The following CEP95 variants were observed in gnomAD, a reference collection of about 807,000 sequenced individuals.
The protein encoded by CEP95 is centrosomal protein of 95 kDa.
CEP95 carries 98 observed loss-of-function variants against 111.2 expected under a neutral mutation model. The ratio of observed to expected loss-of-function variants is 0.88; its 90% CI spans 0.75 to 1.04. The LOEUF (loss-of-function observed/expected upper bound fraction) is 1.04, where lower values mean the gene tolerates loss of function less well. CEP95 is among the 50% of genes least tolerant of loss of function. The pLI is 0.00. For missense variants in CEP95, 1,027 were observed against 977.2 expected, an observed-to-expected ratio of 1.05 and a Z score of -0.68; for synonymous variants, 323 against 327.1, an observed-to-expected ratio of 0.99 and a Z score of 0.14.
chr17:64,525,838 T>C lies in CEP95; in HGVS notation c.978T>C (p.Ala326=). ...PKGSKWEVYP[A]QVQGPRTRKP... ...GCAGCAAATGGGAAGTATATCCAGCTCAGGTCCAAGGGCCTAGGACAAGGA... is the reference window on the plus strand; with the variant it reads ...GCAGCAAATGGGAAGTATATCCAGCCCAGGTCCAAGGGCCTAGGACAAGGA... Residue 326 remains alanine, a synonymous_variant, in exon 9 of 20, where the codon GCT becomes GCC. Coordinates refer to ENST00000556440, the MANE Select transcript of CEP95 (RefSeq NM_138363.3). 1 of 1,600,198 alleles carries C rather than the reference T, an allele frequency of 6.2e-7. No homozygotes were observed. The highest frequency in any genetic ancestry group is 8.5e-7 in the Non-Finnish European group (1 of 1,176,156).
chr17:64,527,293 G>C (rs191506830), intron 11 of CEP95, 29 bp downstream of exon 11: 223 of 1,557,360 alleles, frequency 1.4e-4, no homozygotes, highest in Non-Finnish European at 1.9e-4. Context: ...CTGAGAAGGG[G>C]GACATCCATG....
chr17:64,520,182 A>G (rs1967205208), intron 6 of CEP95, among the ~76,000 whole-genome samples: 2 of 152,200 alleles, frequency 1.3e-5, no homozygotes, highest in African/African-American at 2.4e-5. Context: ...GATTGCAGAA[A>G]CGGGTTCTGT....
At chr17:64,522,661 T>C in intron 7 of CEP95, 41 bp from the exon 8 acceptor site, 2 of 1,459,346 alleles carry the variant, frequency 1.4e-6, no homozygotes, top group Admixed American at 1.9e-5. Flanking sequence ...GTTTATTTCT[T>C]AGAATTGCAT....
chr17:64,516,968 C>T, intron 5 of CEP95, 140 bp downstream of exon 5: 1 of 558,380 alleles, frequency 1.8e-6, no homozygotes. Context: ...TTTAAACTTT[C>T]CTGAGGGAGT....
intron 5 of CEP95, among the ~76,000 whole-genome samples, chr17:64,517,122 C>T (rs1966921584): frequency 6.6e-6 from 1 of 152,164 alleles, no homozygotes; most frequent in African/African-American, 2.4e-5. Flanking sequence ...TCTCGACTCA[C>T]TGCAAACTCT....
In CEP95 at chr17:64,529,347, A is replaced by C; in HGVS notation, c.1366A>C (p.Asn456His). 1 of 1,613,810 alleles carries C rather than the reference A, an allele frequency of 6.2e-7. No individual in the cohort carries two copies. Among genetic ancestry groups the C allele is most frequent in the Non-Finnish European group, 8.5e-7 (1 of 1,179,782 alleles). ...RSHSLSPSPV[N>H]KHKQFHLERK... ...CCATTCGCTCTCTCCATCTCCAGTT[A>C]ACAAACACAAACAGTTCCACTTGGA... The change falls in exon 12 of 20, where the codon AAC becomes CAC. Residue 456 changes from asparagine (N) to histidine (H), a missense_variant. By Grantham distance (68) the Asn-to-His change is moderately conservative. Coordinates refer to ENST00000556440, the MANE Select transcript of CEP95 (RefSeq NM_138363.3).
chr17:64,510,404 C>T (rs1021657429), intron 3 of CEP95, 124 bp downstream of exon 3: 1 of 649,874 alleles, frequency 1.5e-6, no homozygotes, highest in East Asian at 2.8e-5. Context: ...TAAGATTGAG[C>T]TAAGACAATC....
At chr17:64,535,374 A>C (rs1382873830) in intron 17 of CEP95, 2 of 155,694 alleles carry the variant, frequency 1.3e-5, no homozygotes, top group Non-Finnish European at 2.8e-5. Flanking sequence ...GCGCATATCC[A>C]AGCCCTTTGA....
chr17:64,507,911 G>T, intron 1 of CEP95: 1 of 985,382 alleles, frequency 1.0e-6, no homozygotes, highest in Non-Finnish European at 1.2e-6. Flanking sequence ...GTTAAACTTT[G>T]CAAATCCCAG....
chr17:64,529,319 A>C lies in CEP95; in HGVS notation c.1338A>C (p.Arg446Ser). ...GLSMRRKPPY[R>S]SHSLSPSPVN... ...CCATGCGTAGAAAGCCACCCTACAGATCCCATTCGCTCTCTCCATCTCCAG... is the reference window on the plus strand; with the variant it reads ...CCATGCGTAGAAAGCCACCCTACAGCTCCCATTCGCTCTCTCCATCTCCAG... The change falls in exon 12 of 20, where the codon AGA becomes AGC. Residue 446 changes from arginine to serine, a missense_variant. Arg to Ser is a moderately radical substitution (Grantham distance 110). Transcript: ENST00000556440. The C allele has an allele frequency of 5.0e-6, 8 of 1,613,780 alleles. No individual in the cohort carries two copies. Among genetic ancestry groups the C allele is most frequent in the Non-Finnish European group, 6.8e-6 (8 of 1,179,802 alleles).
rs201814510 is a variant in CEP95 at position 64,526,137 on chromosome 17, A to C, written c.1089A>C (p.Leu363Phe). The C allele has an allele frequency of 6.8e-6, 11 of 1,613,796 alleles. 1 individual carries two copies. The South Asian group carries it at 1.2e-4, about 18-fold the overall frequency. ...TCCCCCAGAGGCCAAGAAAGAGATTAACAGAACAAGAATTACATGATGTAT... is the reference window on the plus strand; with the variant it reads ...TCCCCCAGAGGCCAAGAAAGAGATTCACAGAACAAGAATTACATGATGTAT... ...SPFPQRPRKR[L>F]TEQELHDVSE... Residue 363 changes from leucine (L) to phenylalanine (F), a missense_variant, in exon 10 of 20, where the codon TTA becomes TTC. Physicochemically the swap from Leu to Phe is conservative, Grantham distance 22. Transcript: ENST00000556440.
chr17:64,508,093 A>T, intron 1 of CEP95: 4 of 985,450 alleles, frequency 4.1e-6, no homozygotes, highest in Non-Finnish European at 4.8e-6. Flanking sequence ...TTAACAGCCT[A>T]AGTTTAATCA....
At position 64,533,146 on chromosome 17, in the gene CEP95, C is replaced by G. The variant is rs1968403473; in HGVS notation, c.1872C>G (p.Leu624=). 6.3e-7 allele frequency: 1 copy of G among 1,594,848 alleles called. No individual in the cohort carries two copies. Among genetic ancestry groups the G allele is most frequent in the African/African-American group, 1.4e-5 (1 of 73,344 alleles). Residue 624 remains leucine (L), a synonymous_variant, in exon 16 of 20, where the codon CTC becomes CTG. Coordinates refer to ENST00000556440, the MANE Select transcript of CEP95 (RefSeq NM_138363.3). ...EIEEALRRHD[L]LTTLVKKEYE... is the part of the protein sequence containing the mutation. ...AAGAAGCCCTAAGAAGGCATGACCT[C>G]CTTACTACCCTTGTCAAGAAAGAAT...
At position 64,537,681 on chromosome 17, in the gene CEP95, A is replaced by AATGATG; in HGVS notation, c.2375_2380dup (p.Asp792_Asp793dup). On this transcript the variant is annotated inframe_insertion, in exon 20 of 20. Transcript: ENST00000556440. ...GCAGCTGCAGGACATGATAACACAGAATGATGATGATGTTTTCTTCCGGGA... is the reference window on the plus strand; with the variant it reads ...GCAGCTGCAGGACATGATAACACAGAATGATGATGATGATGATGTTTTCTTCCGGGA... 1.9e-6 allele frequency: 3 copies of AATGATG among 1,613,506 alleles called. No homozygotes were observed. In the African/African-American group the frequency reaches 4.0e-5, roughly 22 times the overall value.
intron 11 of CEP95, among the ~76,000 whole-genome samples, chr17:64,527,558 T>TA (rs1967914649): frequency 6.6e-6 from 1 of 152,200 alleles, no homozygotes; most frequent in African/African-American, 2.4e-5. Context: ...TTGGCATCTT[T>TA]TCTTCTGATC....
chr17:64,513,805 C>T (rs2039008041), intron 3 of CEP95, among the ~76,000 whole-genome samples: 1 of 152,070 alleles, frequency 6.6e-6, no homozygotes, highest in African/African-American at 2.4e-5. Flanking sequence ...CTGCTATAAT[C>T]TTCTGAACAA....
In CEP95 at chr17:64,537,007, A is replaced by G. The variant is rs782243891; in HGVS notation, c.2218-34A>G. 7 of 1,558,518 alleles carry G rather than the reference A, an allele frequency of 4.5e-6. No individual in the cohort carries two copies. The African/African-American group carries it at 8.3e-5, about 18-fold the overall frequency. Reference sequence around the variant, plus strand: ...GTTACATTTGGACTACAAACATTAAATATAATATTTGTTTTTTTTCTTCCT... The same window carrying G: ...GTTACATTTGGACTACAAACATTAAGTATAATATTTGTTTTTTTTCTTCCT... On this transcript the variant is annotated intron_variant, in intron 18 of 19. Transcript: ENST00000556440.
chr17:64,535,846 G>GCATT (rs1404217560), intron 17 of CEP95: 2 of 152,208 alleles, frequency 1.3e-5, no homozygotes, highest in African/African-American at 4.8e-5. Flanking sequence ...TAAAGAGTGT[G>GCATT]CATTCATTCA....
At chr17:64,510,091 A>G (rs1465095551) in intron 2 of CEP95, 82 bp from the exon 3 acceptor site, 5 of 748,230 alleles carry the variant, frequency 6.7e-6, no homozygotes, top group Non-Finnish European at 1.2e-5. Context: ...AGTTGAGCAT[A>G]TTCAGTAGCC....
Sources: gnomAD v4.1 joint callset for allele counts (sites outside exome capture counted in the v4.1 genomes callset) on GRCh38, gnomAD v4.1.1 for gene constraint, MANE v1.5 for transcripts, NCBI Gene and HGNC (gene_info 2026-07-23, HGNC 2026-07-21) for gene names.